The following PLCB1 variants were observed in gnomAD, a reference collection of about 807,000 sequenced individuals.
PLCB1 encodes phospholipase C beta 1, also known as 1-phosphatidylinositol 4,5-bisphosphate phosphodiesterase beta-1.
Under a neutral mutation model 161.8 loss-of-function variants are expected in PLCB1, and 46 were observed. The ratio of observed to expected loss-of-function variants is 0.28; its 90% confidence interval spans 0.22 to 0.36. The LOEUF is 0.36. Ranked by LOEUF, PLCB1 falls within the 10% of genes least tolerant of loss-of-function variation. The probability of loss-of-function intolerance (pLI) is 1.00; values close to 1 mark genes in which losing one functional copy is unlikely to be tolerated. For missense variants in PLCB1, 1,016 were observed against 1,472.5 expected (o/e 0.69, Z 5.07); for synonymous variants, 517 against 503.7 (o/e 1.03, Z -0.35).
chr20:8,876,039 C>G (rs2146330428), intron 31 of PLCB1, among the ~76,000 whole-genome samples: 1 of 152,260 alleles, frequency 6.6e-6, no homozygotes, highest in African/African-American at 2.4e-5. Flanking sequence ...GAATTGAATA[C>G]ATTTGAACTT....
rs754656919 is a variant in PLCB1 at position 8,397,483 on chromosome 20, A to G, written c.246+26033A>G. 4.1e-4 allele frequency among the ~76,000 whole-genome samples: 62 copies of G among 152,126 alleles called. 1 individual carries two copies. Among genetic ancestry groups the G allele is most frequent in the Non-Finnish European group, 1.3e-4 (9 of 67,988 alleles). Reference sequence around the variant, plus strand: ...CAAAATTATATAAAGAAGAATGCTCAGGGAAGTCACTCTCATCCATATCCT... The same window carrying G: ...CAAAATTATATAAAGAAGAATGCTCGGGGAAGTCACTCTCATCCATATCCT... On this transcript the variant is annotated intron_variant, in intron 3 of 31. Transcript: ENST00000338037.
Position 8,671,577 on chromosome 20 carries a change from G to A in PLCB1, c.862+12873G>A, listed in dbSNP as rs527626346. Among the ~76,000 whole-genome samples the A allele has an allele frequency of 5.3e-5, 8 of 152,248 alleles. No homozygotes were observed. The East Asian group carries it at 9.6e-4, about 18-fold the overall frequency. On this transcript the variant is annotated intron_variant, in intron 9 of 31. Coordinates refer to ENST00000338037, the MANE Select transcript of PLCB1 (RefSeq NM_015192.4). ...CTGCCAGATGGGTCATTTGTCCACCGGAGCTCAGCTTCTTTACACAGAAAG... is the reference window on the plus strand; with the variant it reads ...CTGCCAGATGGGTCATTTGTCCACCAGAGCTCAGCTTCTTTACACAGAAAG...
chr20:8,734,205 T>G (rs931310722), intron 19 of PLCB1, among the ~76,000 whole-genome samples: 1 of 150,930 alleles, frequency 6.6e-6, no homozygotes, highest in African/African-American at 2.4e-5. Context: ...TGAACTTTAT[T>G]CTTAATGATA....
intron 31 of PLCB1, among the ~76,000 whole-genome samples, chr20:8,875,220 TTTTC>T (rs1256609197): frequency 1.3e-5 from 2 of 150,848 alleles, no homozygotes; most frequent in South Asian, 2.1e-4. Context: ...ATATCTATAT[TTTTC>T]TTTCTTATGT....
chr20:8,850,844 T>C (rs758525445), intron 31 of PLCB1, among the ~76,000 whole-genome samples: 3 of 152,224 alleles, frequency 2.0e-5, no homozygotes, highest in Non-Finnish European at 2.9e-5. Flanking sequence ...GTCTAAGATA[T>C]TATGTTATAG....
intron 2 of PLCB1, among the ~76,000 whole-genome samples, chr20:8,369,269 T>C (rs1207626996): frequency 2.0e-5 from 3 of 152,184 alleles, no homozygotes. Flanking sequence ...AGTTCCTCCA[T>C]TGCCATCTCT....
At chr20:8,831,298 A>G (rs1985969088) in intron 31 of PLCB1, 1 of 153,616 alleles carries the variant, frequency 6.5e-6, no homozygotes, top group East Asian at 1.9e-4. Context: ...GACATTGGAG[A>G]TGAAGCTGGA....
At chr20:8,309,239 T>G (rs1373610566) in intron 2 of PLCB1, among the ~76,000 whole-genome samples, 5 of 152,176 alleles carry the variant, frequency 3.3e-5, no homozygotes, top group African/African-American at 1.2e-4. Context: ...CAAGGGGGTA[T>G]GCTTTTCTAA....
chr20:8,135,072 G>A lies in PLCB1; in HGVS notation c.99+2322G>A, dbSNP rs144643208. 6.9e-3 allele frequency among the ~76,000 whole-genome samples: 1,043 copies of A among 152,180 alleles called. 9 individuals carry two copies. Among genetic ancestry groups the A allele is most frequent in the African/African-American group, 0.023 (958 of 41,498 alleles). On this transcript the variant is annotated intron_variant, in intron 1 of 31. Coordinates refer to ENST00000338037, the MANE Select transcript of PLCB1 (RefSeq NM_015192.4). ...CTCGTATTTGCCCTTCCAGAATCAA[G>A]CCAGTTCAAGTTATCTGGCTATTTA...
At chr20:8,752,035 A>G (rs1722048201) in intron 23 of PLCB1, 1 of 144,928 alleles carries the variant, frequency 6.9e-6, no homozygotes, top group East Asian at 2.0e-4. Context: ...TTGTACTCCT[A>G]TAGGTGCTTT....
intron 2 of PLCB1, among the ~76,000 whole-genome samples, chr20:8,348,247 A>C (rs570781437): frequency 6.6e-6 from 1 of 152,322 alleles, no homozygotes; most frequent in South Asian, 2.1e-4. Context: ...TTGCCTGATT[A>C]CTACAGAACA....
At chr20:8,839,985 C>T (rs370192093) in intron 31 of PLCB1, among the ~76,000 whole-genome samples, 66 of 151,164 alleles carry the variant, frequency 4.4e-4, no homozygotes, top group African/African-American at 1.6e-3. Context: ...GAGCCAAGAT[C>T]GCGCCACTGC....
In PLCB1 at chr20:8,741,497, A is replaced by G. The variant is rs753491751; in HGVS notation, c.2447A>G (p.Tyr816Cys). ...VIEALSNPIRYVNLMEQRAKQ... is the reference protein window; with the variant it reads ...VIEALSNPIRCVNLMEQRAKQ... The stretch of plus-strand genomic sequence containing the variant: ...GAAGCTTTATCAAACCCAATCCGAT[A>G]TGTGAACCTGATGGAACAGAGAGCT... The change falls in exon 23 of 32, where the codon TAT (tyrosine) becomes TGT (cysteine). Residue 816 changes from tyrosine to cysteine, a missense_variant. This residue lies in a region of PLCB1 where 75 missense variants were observed against 117.0 expected (regional missense o/e 0.64). Coordinates refer to ENST00000338037, the MANE Select transcript of PLCB1 (RefSeq NM_015192.4). The G allele has an allele frequency of 6.2e-7, 1 of 1,613,708 alleles. No homozygotes were observed. Among genetic ancestry groups the G allele is most frequent in the Non-Finnish European group, 8.5e-7 (1 of 1,179,622 alleles).
At chr20:8,763,607 G>A (rs980100729) in intron 25 of PLCB1, among the ~76,000 whole-genome samples, 2 of 151,906 alleles carry the variant, frequency 1.3e-5, no homozygotes, top group East Asian at 2.0e-4. Context: ...GGCTGGTCTC[G>A]AACTCCTGAC....
At chr20:8,481,715 T>G (rs911596909) in intron 3 of PLCB1, among the ~76,000 whole-genome samples, 3 of 152,210 alleles carry the variant, frequency 2.0e-5, no homozygotes, top group African/African-American at 7.2e-5. Flanking sequence ...GCCTTCTCTG[T>G]CCTTCTCTGT....
chr20:8,561,988 T>C (rs1986154750), intron 3 of PLCB1, among the ~76,000 whole-genome samples: 1 of 152,048 alleles, frequency 6.6e-6, no homozygotes, highest in Non-Finnish European at 1.5e-5. Context: ...GAACAAAGTC[T>C]AGTTAAGCTT....
At chr20:8,487,637 C>A (rs944551317) in intron 3 of PLCB1, among the ~76,000 whole-genome samples, 54 of 152,106 alleles carry the variant, frequency 3.6e-4, no homozygotes, top group African/African-American at 1.1e-3. Flanking sequence ...TGGCTTCAGT[C>A]AGAGAGGGTG....
chr20:8,317,416 G>A (rs374066715), intron 2 of PLCB1, among the ~76,000 whole-genome samples: 10 of 152,108 alleles, frequency 6.6e-5, no homozygotes, highest in East Asian at 5.8e-4. Flanking sequence ...ATGGTAGGAG[G>A]GGCTGTGCCA....
At chr20:8,278,095 A>C (rs1982668018) in intron 2 of PLCB1, among the ~76,000 whole-genome samples, 1 of 151,906 alleles carries the variant, frequency 6.6e-6, no homozygotes, top group African/African-American at 2.4e-5. Context: ...CTAGTGCAAT[A>C]AATGCTGCAA....
Sources: allele counts gnomAD v4.1 joint callset (sites outside exome capture counted in the v4.1 genomes callset), GRCh38; gene constraint gnomAD v4.1.1; regional missense constraint gnomAD v4.1.1; transcripts MANE v1.5; gene names NCBI Gene and HGNC (gene_info 2026-07-23, HGNC 2026-07-21).